Variants in ABCE1 observed in about 807,000 individuals in gnomAD.
The protein encoded by ABCE1 is ATP-binding cassette sub-family E member 1.
In ABCE1, 22 loss-of-function variants were observed where a neutral mutation model predicts 83.4. The ratio of observed to expected loss-of-function variants is 0.26; its 90% CI spans 0.19 to 0.38. The LOEUF (loss-of-function observed/expected upper bound fraction) is 0.38, where lower values mean the gene tolerates loss of function less well. ABCE1 is among the 10% of genes least tolerant of loss of function. The pLI is 1.00. For missense variants in ABCE1, 330 were observed against 721.9 expected, an observed-to-expected ratio of 0.46 and a Z score of 6.22; for synonymous variants, 204 against 233.7, an observed-to-expected ratio of 0.87 and a Z score of 1.16.
intron 2 of ABCE1, 138 bp downstream of exon 2, chr4:145,104,653 G>T: frequency 1.8e-6 from 1 of 543,346 alleles, no homozygotes; most frequent in Non-Finnish European, 2.9e-6. Context: ...AAGAAAAGTA[G>T]TTTGTTCTAA....
chr4:145,106,553 AATTAT>A (rs1487074016), intron 3 of ABCE1, among the ~76,000 whole-genome samples: 1 of 152,048 alleles, frequency 6.6e-6, no homozygotes, highest in Non-Finnish European at 1.5e-5. Context: ...GCTGTAAGAA[AATTAT>A]ATTAATTTAA....
chr4:145,110,175 C>G lies in ABCE1; in HGVS notation c.478C>G (p.Leu160Val). 6.2e-7 allele frequency: 1 copy of G among 1,605,032 alleles called. No individual in the cohort carries two copies. The highest frequency in any genetic ancestry group is 8.5e-7 in the Non-Finnish European group (1 of 1,177,118). Reference protein sequence around the residue: ...SELQNYFTKILEDDLKAIIKP... With the variant: ...SELQNYFTKIVEDDLKAIIKP... ...ATTACAAAATTACTTTACAAAGATT[C>G]TAGAAGATGACCTAAAAGCCATCAT... Residue 160 changes from leucine to valine, a missense_variant, in exon 6 of 18, where the codon CTA becomes GTA. Physicochemically the swap from Leu to Val is conservative, Grantham distance 32. Transcript: ENST00000296577.
Position 145,110,370 on chromosome 4 carries a change from G to C in ABCE1, c.544-5G>C, listed in dbSNP as rs1749433928. 1.2e-6 allele frequency: 2 copies of C among 1,612,114 alleles called. No homozygotes were observed. Among genetic ancestry groups the C allele is most frequent in the East Asian group, 4.5e-5 (2 of 44,824 alleles). On this transcript the variant is annotated splice_polypyrimidine_tract_variant and splice_region_variant and intron_variant, in intron 6 of 17. Transcript: ENST00000296577. ...ATAGTAACTGTTTTTGGTATATTGT[G>C]GCAGGGGACAGTGGGATCTATTTTG...
At chr4:145,125,667 C>T (rs1579225120) in intron 17 of ABCE1, among the ~76,000 whole-genome samples, 1 of 152,122 alleles carries the variant, frequency 6.6e-6, no homozygotes, top group Non-Finnish European at 1.5e-5. Context: ...TTGATTACCA[C>T]TTAAAATGTC....
In ABCE1 at chr4:145,125,250, T is replaced by C. The variant is rs895187806; in HGVS notation, c.1752+149T>C. 31 of 554,050 alleles carry C rather than the reference T, an allele frequency of 5.6e-5. No individual in the cohort carries two copies. The Admixed American group carries it at 1.0e-3, about 18-fold the overall frequency. The allele number at this position is 554,050 out of a possible 1,614,324, so 34.3% of individuals were successfully genotyped here. A position where few individuals can be genotyped will look rare whatever the true frequency, so the allele number is the denominator to read the frequency against. On this transcript the variant is annotated intron_variant, in intron 17 of 17. Coordinates refer to ENST00000296577, the MANE Select transcript of ABCE1 (RefSeq NM_002940.3). ...TGGGAGGCCAAGGCAGGCAGATCAC[T>C]TGAGGTCACGAGTTTGAGACCAGCC...
Position 145,108,029 on chromosome 4 carries a change from C to G in ABCE1, c.204C>G (p.Gly68=). Residue 68 remains glycine, a synonymous_variant, in exon 4 of 18, where the codon GGC becomes GGG. Coordinates refer to ENST00000296577, the MANE Select transcript of ABCE1 (RefSeq NM_002940.3). ...CGICIKKCPF[G]ALSIVNLPSN... ...TTAAATAACAGAAATGCCCCTTTGG[C>G]GCCTTATCAATTGTCAATCTACCAA... is the stretch of plus-strand genomic sequence containing the variant. 1 of 1,612,970 alleles carries G rather than the reference C, an allele frequency of 6.2e-7. No individual in the cohort carries two copies.
intron 3 of ABCE1, among the ~76,000 whole-genome samples, chr4:145,105,979 A>G (rs993887083): frequency 1.3e-5 from 2 of 151,916 alleles, no homozygotes; most frequent in Admixed American, 6.6e-5. Flanking sequence ...ATCACATTAC[A>G]TGTTTCTTTC....
intron 3 of ABCE1, among the ~76,000 whole-genome samples, chr4:145,107,650 C>T (rs1749346342): frequency 2.0e-5 from 3 of 152,116 alleles, no homozygotes; most frequent in African/African-American, 7.2e-5. Context: ...ATTTTTTCCC[C>T]CAACCAAATG....
rs1579219054 is a variant in ABCE1 at position 145,117,413 on chromosome 4, A to G, written c.921A>G (p.Glu307=). 1.9e-6 allele frequency: 3 copies of G among 1,609,064 alleles called. No individual in the cohort carries two copies. The highest frequency in any genetic ancestry group is 2.5e-6 in the Non-Finnish European group (3 of 1,177,282). ...GVVTMPFSVR[E]GINIFLDGYV... is the part of the protein sequence containing the mutation. ...TCACTATGCCTTTTAGTGTAAGAGAAGGTAACTTGAAAAACTTTTTTCACA... is the reference window on the plus strand; with the variant it reads ...TCACTATGCCTTTTAGTGTAAGAGAGGGTAACTTGAAAAACTTTTTTCACA... The change falls in exon 10 of 18, where the codon GAA becomes GAG. Residue 307 remains glutamate (E), a splice_region_variant and synonymous_variant. Transcript: ENST00000296577.
intron 1 of ABCE1, among the ~76,000 whole-genome samples, chr4:145,102,953 G>A (rs960715096): frequency 6.6e-6 from 1 of 152,084 alleles, no homozygotes; most frequent in Non-Finnish European, 1.5e-5. Context: ...TTAAATGAGA[G>A]GACAGGAGGG....
rs977150237 is a variant in ABCE1, at chr4:145,128,251, G to A, written c.*678G>A. The A allele has an allele frequency of 1.1e-4, 16 of 152,328 alleles. No individual in the cohort carries two copies. The highest frequency in any genetic ancestry group is 3.6e-4 in the African/African-American group (15 of 41,370). The allele number at this position is 152,328 out of a possible 1,614,324, so 9.4% of individuals were successfully genotyped here. ...CCTAACTTTACTCTGAACTTTTTTT[G>A]TTTTTGCATTCCATGAGGTTCTGTA... On this transcript the variant is annotated 3_prime_UTR_variant, in exon 18 of 18. Transcript: ENST00000296577.
chr4:145,103,589 T>C (rs746679972), intron 1 of ABCE1, among the ~76,000 whole-genome samples: 5 of 152,334 alleles, frequency 3.3e-5, no homozygotes, highest in Admixed American at 1.3e-4. Flanking sequence ...ATTATGATTA[T>C]TTGCCATTTC....
intron 10 of ABCE1, 70 bp from the exon 11 acceptor site, chr4:145,119,862 A>G: frequency 9.0e-7 from 1 of 1,110,590 alleles, no homozygotes; most frequent in Non-Finnish European, 1.3e-6. Context: ...TAGTCTATAG[A>G]TTGCTCCCAA....
At chr4:145,121,006 A>C (rs113720455) in intron 11 of ABCE1, 168 bp from the exon 12 acceptor site, 1 of 619,420 alleles carries the variant, frequency 1.6e-6, no homozygotes, top group African/African-American at 1.8e-5. Context: ...GACACTTCAG[A>C]GGTGAGCCAT....
chr4:145,123,149 T>C lies in ABCE1; in HGVS notation c.1374+18T>C, dbSNP rs1749788208. The C allele has an allele frequency of 6.3e-7, 1 of 1,576,420 alleles. No homozygotes were observed. The highest frequency in any genetic ancestry group is 1.4e-5 in the African/African-American group (1 of 72,154). On this transcript the variant is annotated intron_variant, in intron 14 of 17. Transcript: ENST00000296577. Reference sequence around the variant, plus strand: ...ATCAAGAGGTACTTTAACATAATTTTTTTTATTTTTTTATTATTTTGAATT... The same window carrying C: ...ATCAAGAGGTACTTTAACATAATTTCTTTTATTTTTTTATTATTTTGAATT...
At chr4:145,120,534 C>A (rs1749714814) in intron 11 of ABCE1, among the ~76,000 whole-genome samples, 1 of 151,984 alleles carries the variant, frequency 6.6e-6, no homozygotes, top group Non-Finnish European at 1.5e-5. Flanking sequence ...CAATGTGGAA[C>A]TTTTCTTATT....
At chr4:145,101,068 A>T (rs1047108251) in intron 1 of ABCE1, among the ~76,000 whole-genome samples, 3 of 149,042 alleles carry the variant, frequency 2.0e-5, no homozygotes, top group South Asian at 2.1e-4. Flanking sequence ...GATATATATA[A>T]AAAAAATATA....
chr4:145,104,229 T>A (rs78597064), intron 1 of ABCE1, among the ~76,000 whole-genome samples, 157 bp from the exon 2 acceptor site: 220 of 152,300 alleles, frequency 1.4e-3, no homozygotes, highest in African/African-American at 5.0e-3. Flanking sequence ...GATTATAGAT[T>A]ATTTTACAAT....
chr4:145,119,332 AG>A (rs1424845746), intron 10 of ABCE1, among the ~76,000 whole-genome samples: 4 of 151,848 alleles, frequency 2.6e-5, no homozygotes, highest in African/African-American at 9.7e-5. Context: ...TTTATTACAG[AG>A]GGTTCTTGTA....
Sources: gnomAD v4.1 joint callset for allele counts (sites outside exome capture counted in the v4.1 genomes callset) on GRCh38, gnomAD v4.1.1 for gene constraint, MANE v1.5 for transcripts, NCBI Gene and HGNC (gene_info 2026-07-23, HGNC 2026-07-21) for gene names.